MOB2: variants seen among roughly 807,000 people sequenced by gnomAD.
The protein encoded by MOB2 is MOB2 Mps One Binder homolog.
A neutral mutation model predicts 27.4 loss-of-function variants in MOB2; 14 were observed. The ratio of observed to expected loss-of-function variants is 0.51; its 90% CI spans 0.34 to 0.80. The LOEUF is 0.80. Among genes scored for constraint, MOB2 ranks in the 30% least tolerant of loss-of-function variants. MOB2 has a pLI of 0.01. For missense variants in MOB2, 304 were observed against 354.6 expected (o/e 0.86, Z 1.15); for synonymous variants, 167 against 151.8 (o/e 1.10, Z -0.74).
At chr11:1,474,944 G>C (rs1287096130) in intron 3 of MOB2, among the ~76,000 whole-genome samples, 1 of 152,158 alleles carries the variant, frequency 6.6e-6, no homozygotes, top group Non-Finnish European at 1.5e-5. Context: ...ATAAATTTTA[G>C]AACTAACTGG....
Position 1,471,362 on chromosome 11 carries a change from G to A in MOB2, c.423C>T (p.Tyr141=), listed in dbSNP as rs559675327. The A allele has an allele frequency of 3.7e-6, 6 of 1,613,590 alleles. No homozygotes were observed. The highest frequency in any genetic ancestry group is 2.2e-5 in the East Asian group (1 of 44,882). Residue 141 remains tyrosine, a synonymous_variant, in exon 4 of 5, where the codon TAC becomes TAT. Coordinates refer to ENST00000329957, the MANE Select transcript of MOB2 (RefSeq NM_001172223.3). ...GKKVKCTAPQ[Y]VDFVMSSVQK... The stretch of plus-strand genomic sequence containing the variant: ...GCACGGAGCTCATGACGAAGTCAAC[G>A]TACTGTGGGGCCGTGCACTTGACCT...
chr11:1,486,158 C>A (rs1847967604), intron 1 of MOB2, among the ~76,000 whole-genome samples: 1 of 152,274 alleles, frequency 6.6e-6, no homozygotes, highest in Non-Finnish European at 1.5e-5. Context: ...GACACCAAGA[C>A]CCGCTCCTCT....
chr11:1,471,411 TA>T lies in MOB2; in HGVS notation c.373del (p.Tyr125ThrfsTer22). 6.2e-7 allele frequency: 1 copy of T among 1,612,022 alleles called. No individual in the cohort carries two copies. The highest frequency in any genetic ancestry group is 8.5e-7 in the Non-Finnish European group (1 of 1,178,958). ...CTTCTTCCCCCGCTCGTCATACCAGTAGTACTGTCTGTGGAGACAGAGACAC... is the reference window on the plus strand; with the variant it reads ...CTTCTTCCCCCGCTCGTCATACCAGTGTACTGTCTGTGGAGACAGAGACAC... ...QTMAVCNTQY[Y>X]WYDERGKKVK... On this transcript the variant is annotated frameshift_variant, in exon 4 of 5. Coordinates refer to ENST00000329957, the MANE Select transcript of MOB2 (RefSeq NM_001172223.3). LOFTEE classifies it high-confidence loss of function.
chr11:1,483,937 C>T (rs534370706), intron 1 of MOB2, among the ~76,000 whole-genome samples: 2 of 152,304 alleles, frequency 1.3e-5, no homozygotes, highest in Admixed American at 6.5e-5. Flanking sequence ...TCACCCTGCC[C>T]ACAGCAGGTG....
rs1361267968 is a variant in MOB2 at position 1,486,577 on chromosome 11, GGGA to G, written c.-24_-22del. 27 of 1,507,368 alleles carry G rather than the reference GGGA, an allele frequency of 1.8e-5. No homozygotes were observed. Among genetic ancestry groups the G allele is most frequent in the Non-Finnish European group, 2.3e-5 (26 of 1,121,446 alleles). 93.4% of individuals were successfully genotyped at this position (1,507,368 alleles called of 1,614,324 possible). On this transcript the variant is annotated 5_prime_UTR_variant, in exon 1 of 5. Coordinates refer to ENST00000329957, the MANE Select transcript of MOB2 (RefSeq NM_001172223.3). ...AGCATGAGTGGGCGACGGGAAGGTG[GGGA>G]GGAGAAGCGGGGCGGGGTGCCGGCT...
rs547601905 is a variant in MOB2 at position 1,486,491 on chromosome 11, T to C, written c.66A>G (p.Gly22=). The C allele has an allele frequency of 1.1e-4, 172 of 1,535,846 alleles. No homozygotes were observed. In the African/African-American group the frequency reaches 2.2e-3, roughly 20 times the overall value. ...CCTGAAGCACCATTTTGCAGCAGAGTCCACTTTGCAGGGACTGGCCGGGCC... is the reference window on the plus strand; with the variant it reads ...CCTGAAGCACCATTTTGCAGCAGAGCCCACTTTGCAGGGACTGGCCGGGCC... ...QARPGQSLQS[G]LCCKMVLQAV... is the part of the protein sequence containing the mutation. Residue 22 remains glycine, a synonymous_variant, in exon 1 of 5, where the codon GGA becomes GGG. Transcript: ENST00000329957.
At chr11:1,475,550 C>G (rs1367731511) in intron 3 of MOB2, among the ~76,000 whole-genome samples, 1 of 152,234 alleles carries the variant, frequency 6.6e-6, no homozygotes, top group East Asian at 1.9e-4. Flanking sequence ...CCGCCTCAGC[C>G]TCCTGAGTAG....
chr11:1,477,173 A>G (rs1482093641), intron 3 of MOB2, among the ~76,000 whole-genome samples: 1 of 151,736 alleles, frequency 6.6e-6, no homozygotes, highest in Non-Finnish European at 1.5e-5. Context: ...CCCGGCGATC[A>G]TGTGATTTCT....
At chr11:1,470,768 C>T (rs888862781) in intron 4 of MOB2, among the ~76,000 whole-genome samples, 1 of 152,132 alleles carries the variant, frequency 6.6e-6, no homozygotes, top group Non-Finnish European at 1.5e-5. Flanking sequence ...CCATCCTGGC[C>T]ACCTCCTCAG....
Position 1,486,590 on chromosome 11 carries a change from G to C in MOB2, c.-34C>G. Reference sequence around the variant, plus strand: ...GACGGGAAGGTGGGGAGGAGAAGCGGGGCGGGGTGCCGGCTGGCCAGCACT... The same window carrying C: ...GACGGGAAGGTGGGGAGGAGAAGCGCGGCGGGGTGCCGGCTGGCCAGCACT... On this transcript the variant is annotated 5_prime_UTR_variant, in exon 1 of 5. Coordinates refer to ENST00000329957, the MANE Select transcript of MOB2 (RefSeq NM_001172223.3). 6.8e-7 allele frequency: 1 copy of C among 1,462,668 alleles called. No homozygotes were observed. Among genetic ancestry groups the C allele is most frequent in the Non-Finnish European group, 9.2e-7 (1 of 1,081,266 alleles). 90.6% of individuals were successfully genotyped at this position (1,462,668 alleles called of 1,614,324 possible). A position where few individuals can be genotyped will look rare whatever the true frequency, so the allele number is the denominator to read the frequency against.
At chr11:1,477,169 G>A (rs576512770) in intron 3 of MOB2, among the ~76,000 whole-genome samples, 2 of 152,050 alleles carry the variant, frequency 1.3e-5, no homozygotes, top group South Asian at 2.1e-4. Flanking sequence ...AATCCCCGGC[G>A]ATCATGTGAT....
At chr11:1,478,860 C>T (rs1278014837) in intron 3 of MOB2, among the ~76,000 whole-genome samples, 1 of 152,188 alleles carries the variant, frequency 6.6e-6, no homozygotes, top group East Asian at 1.9e-4. Flanking sequence ...AGCCCTCACA[C>T]GACCCAGGCA....
intron 1 of MOB2, among the ~76,000 whole-genome samples, chr11:1,485,099 T>C (rs534236308): frequency 8.2e-4 from 125 of 152,354 alleles, no homozygotes; most frequent in Admixed American, 4.2e-3. Context: ...CATGCTCCAC[T>C]GCGCCTCGGC....
At chr11:1,476,395 T>C (rs951540082) in intron 3 of MOB2, among the ~76,000 whole-genome samples, 6 of 152,226 alleles carry the variant, frequency 3.9e-5, no homozygotes, top group East Asian at 1.9e-4. Flanking sequence ...AGGGTTTTTT[T>C]CCAATACTTC....
intron 3 of MOB2, among the ~76,000 whole-genome samples, chr11:1,473,839 G>A (rs1261176003): frequency 6.6e-6 from 1 of 152,232 alleles, no homozygotes; most frequent in Non-Finnish European, 1.5e-5. Flanking sequence ...TCACACCCGT[G>A]CTGCTGTGCC....
rs368335811 is a variant in MOB2 at position 1,470,274 on chromosome 11, G to C, written c.705C>G (p.Thr235=). Residue 235 remains threonine, a synonymous_variant, in exon 5 of 5, where the codon ACC becomes ACG. Transcript: ENST00000329957. The part of the protein sequence containing the change: ...PKETAIMDDL[T]EVLCSGAGGV... The stretch of plus-strand genomic sequence containing the variant: ...CGCCGGCCCCGCTGCATAGCACCTC[G>C]GTGAGGTCGTCCATGATGGCGGTCT... The C allele has an allele frequency of 6.2e-7, 1 of 1,612,928 alleles. No individual in the cohort carries two copies. The highest frequency in any genetic ancestry group is 1.3e-5 in the African/African-American group (1 of 74,940).
chr11:1,476,731 C>T (rs1026674766), intron 3 of MOB2, among the ~76,000 whole-genome samples: 2 of 152,184 alleles, frequency 1.3e-5, no homozygotes, highest in Admixed American at 6.5e-5. Flanking sequence ...AAGCATTAAT[C>T]CTATAAATCC....
chr11:1,479,804 G>A (rs890813141), intron 3 of MOB2, among the ~76,000 whole-genome samples: 7 of 152,212 alleles, frequency 4.6e-5, no homozygotes, highest in African/African-American at 1.7e-4. Flanking sequence ...AGCAGACCCA[G>A]CCTCCTCCTG....
At chr11:1,481,139 C>T (rs924076488) in intron 1 of MOB2, 1 of 627,612 alleles carries the variant, frequency 1.6e-6, no homozygotes, top group African/African-American at 1.8e-5. Context: ...CCACACGGGC[C>T]CCTGCACGGA....
Sources: gnomAD v4.1 joint callset for allele counts (sites outside exome capture counted in the v4.1 genomes callset) on GRCh38, gnomAD v4.1.1 for gene constraint, MANE v1.5 for transcripts, NCBI Gene and HGNC (gene_info 2026-07-23, HGNC 2026-07-21) for gene names.